The following ACACA variants were observed in gnomAD, a reference collection of about 807,000 sequenced individuals.
The protein encoded by ACACA is acetyl-CoA carboxylase 1.
Under a neutral mutation model 296.1 loss-of-function variants are expected in ACACA, and 103 were observed. The observed-to-expected ratio is 0.35, with a 90% CI of 0.30 to 0.41. The LOEUF is 0.41. Among genes scored for constraint, ACACA ranks in the 10% least tolerant of loss-of-function variants. The pLI, the probability that ACACA is intolerant of heterozygous loss-of-function variation, is 1.00. For synonymous variants in ACACA, 953 were observed against 1,038.6 expected (o/e 0.92, Z 1.58); for missense variants, 1,554 against 2,989.7 (o/e 0.52, Z 11.20).
At chr17:37,109,459 C>T (rs775267849) in intron 52 of ACACA, among the ~76,000 whole-genome samples, 11 of 152,306 alleles carry the variant, frequency 7.2e-5, no homozygotes, top group Admixed American at 2.0e-4. Flanking sequence ...TTACAAGACT[C>T]GTAGTTCGTT....
At chr17:37,196,194 A>G (rs565191574) in intron 35 of ACACA, among the ~76,000 whole-genome samples, 1 of 152,266 alleles carries the variant, frequency 6.6e-6, no homozygotes, top group South Asian at 2.1e-4. Flanking sequence ...CAACATGCTG[A>G]GAACTAATTA....
At chr17:37,248,910 C>G (rs748110684) in intron 16 of ACACA, among the ~76,000 whole-genome samples, 7 of 149,298 alleles carry the variant, frequency 4.7e-5, no homozygotes, top group African/African-American at 1.8e-4. Flanking sequence ...TTACAAAATG[C>G]ACAGTTCTAT....
At chr17:37,337,415 CAAAAAAAA>C (rs71159702) in intron 2 of ACACA, among the ~76,000 whole-genome samples, 3 of 94,322 alleles carry the variant, frequency 3.2e-5, no homozygotes, top group East Asian at 6.1e-4. Context: ...GACCCTGTCT[CAAAAAAAA>C]AAAAAAAAAG....
chr17:37,223,074 C>T (rs2079371413), intron 28 of ACACA, among the ~76,000 whole-genome samples: 1 of 152,202 alleles, frequency 6.6e-6, no homozygotes, highest in African/African-American at 2.4e-5. Context: ...CTATTACTTT[C>T]TTTCCTTTGA....
intron 1 of ACACA, among the ~76,000 whole-genome samples, chr17:37,363,410 T>C (rs552880422): frequency 3.3e-5 from 5 of 151,890 alleles, no homozygotes; most frequent in African/African-American, 1.2e-4. Context: ...CTTAAACTCC[T>C]GACCTTGTGA....
Position 37,173,999 on chromosome 17 carries a change from TATATATATATATA to T in ACACA, c.5079+5248_5079+5260del, listed in dbSNP as rs2076993135. Among the ~76,000 whole-genome samples, 28 of 10,608 alleles carry T rather than the reference TATATATATATATA, an allele frequency of 2.6e-3. 1 individual carries two copies. Among genetic ancestry groups the T allele is most frequent in the African/African-American group, 4.3e-3 (7 of 1,628 alleles). 7.0% of individuals were successfully genotyped at this position (10,608 alleles called of 152,430 possible). A position where few individuals can be genotyped will look rare whatever the true frequency, so the allele number is the denominator to read the frequency against. On this transcript the variant is annotated intron_variant, in intron 41 of 55. Coordinates refer to ENST00000616317, the MANE Select transcript of ACACA (RefSeq NM_198834.3). ...TGGCTAATTTATATATATATATATA[TATATATATATATA>T]TATATATATTTTTTTTTTTTTTTTT...
intron 41 of ACACA, among the ~76,000 whole-genome samples, chr17:37,167,208 C>T (rs1258308070): frequency 1.3e-5 from 2 of 148,770 alleles, no homozygotes; most frequent in South Asian, 4.3e-4. Flanking sequence ...GATCCGCCCG[C>T]CTTGGCCTCC....
intron 30 of ACACA, 103 bp from the exon 31 acceptor site, chr17:37,207,903 G>A (rs2078579357): frequency 7.1e-7 from 1 of 1,410,664 alleles, no homozygotes; most frequent in Non-Finnish European, 1.0e-6. Context: ...CTGAAGTAGG[G>A]TCAGGTTGCA....
intron 29 of ACACA, among the ~76,000 whole-genome samples, chr17:37,219,864 CA>C (rs982072679): frequency 1.2e-4 from 18 of 146,688 alleles, no homozygotes; most frequent in Admixed American, 1.4e-4. Flanking sequence ...AACTTTAGAT[CA>C]AAAAAAAAAT....
chr17:37,388,920 C>A, intron 1 of ACACA: 1 of 1,246,812 alleles, frequency 8.0e-7, no homozygotes, highest in Non-Finnish European at 1.1e-6. Context: ...CACTCACACT[C>A]ACTAGCTGAG....
At chr17:37,119,599 C>T (rs2074422044) in intron 50 of ACACA, among the ~76,000 whole-genome samples, 1 of 63,216 alleles carries the variant, frequency 1.6e-5, no homozygotes, top group African/African-American at 4.9e-5. Context: ...AACACACACA[C>T]ACACACACAC....
chr17:37,192,910 G>T (rs2077822912), intron 36 of ACACA, among the ~76,000 whole-genome samples: 1 of 152,088 alleles, frequency 6.6e-6, no homozygotes, highest in Non-Finnish European at 1.5e-5. Flanking sequence ...GTATGTTTCA[G>T]TGAAACTAAA....
At chr17:37,130,440 T>C (rs1339646111) in intron 45 of ACACA, among the ~76,000 whole-genome samples, 1 of 152,174 alleles carries the variant, frequency 6.6e-6, no homozygotes, top group African/African-American at 2.4e-5. Context: ...TAAGAGGGCT[T>C]ACTATAGCAT....
intron 45 of ACACA, among the ~76,000 whole-genome samples, chr17:37,131,051 A>G (rs914079601): frequency 6.6e-6 from 1 of 151,862 alleles, no homozygotes; most frequent in Non-Finnish European, 1.5e-5. Context: ...ACATACATGA[A>G]CCCCTGAGTC....
At chr17:37,402,887 T>G (rs2051338988) in intron 1 of ACACA, among the ~76,000 whole-genome samples, 1 of 152,178 alleles carries the variant, frequency 6.6e-6, no homozygotes, top group Admixed American at 6.5e-5. Context: ...TTAGCCAGGA[T>G]GGTCTCGATC....
intron 2 of ACACA, among the ~76,000 whole-genome samples, chr17:37,336,916 T>A (rs1241347194): frequency 6.6e-6 from 1 of 152,198 alleles, no homozygotes; most frequent in Non-Finnish European, 1.5e-5. Context: ...ACGATTGTTC[T>A]GGTGTAATTT....
chr17:37,229,665 T>C (rs1005004891), intron 25 of ACACA, among the ~76,000 whole-genome samples: 1 of 152,166 alleles, frequency 6.6e-6, no homozygotes, highest in African/African-American at 2.4e-5. Flanking sequence ...GCACTTTTTT[T>C]TAAAAACCAC....
At chr17:37,377,801 T>C in intron 1 of ACACA, 1 of 1,217,164 alleles carries the variant, frequency 8.2e-7, no homozygotes, top group Non-Finnish European at 1.2e-6. Flanking sequence ...CCCAGAATTC[T>C]AAAAAGTAAG....
chr17:37,376,134 T>C (rs1318367857), intron 1 of ACACA: 1 of 1,612,054 alleles, frequency 6.2e-7, no homozygotes, highest in East Asian at 2.2e-5. Context: ...TTGCATCCTA[T>C]GATGCCAACA....
Sources: gnomAD v4.1 joint callset for allele counts (sites outside exome capture counted in the v4.1 genomes callset) on GRCh38, gnomAD v4.1.1 for gene constraint, MANE v1.5 for transcripts, NCBI Gene and HGNC (gene_info 2026-07-23, HGNC 2026-07-21) for gene names.